UTP20: variants seen among roughly 807,000 people sequenced by gnomAD.
UTP20 encodes the protein small subunit processome component 20 homolog.
A neutral mutation model predicts 329.5 loss-of-function variants in UTP20; 164 were observed. The ratio of observed to expected loss-of-function variants is 0.50; its 90% confidence interval spans 0.44 to 0.57. The LOEUF (loss-of-function observed/expected upper bound fraction) is 0.57. Ranked by LOEUF, UTP20 falls within the 20% of genes least tolerant of loss-of-function variation. UTP20 has a pLI of 0.00. For synonymous variants in UTP20, 1,151 were observed against 1,159.3 expected, an observed-to-expected ratio of 0.99 and a Z score of 0.14; for missense variants, 3,055 against 3,284.2, an observed-to-expected ratio of 0.93 and a Z score of 1.71.
rs143625568 is a variant in UTP20, at chr12:101,286,060, G to A, written c.326+179G>A. Among the ~76,000 whole-genome samples the A allele has an allele frequency of 5.6e-3, 850 of 152,146 alleles. 8 individuals are homozygous for A. The highest frequency in any genetic ancestry group is 0.02 in the African/African-American group (815 of 41,530). The stretch of plus-strand genomic sequence containing the variant: ...AAGTGGAATCTTGGGGTATAATTTC[G>A]CATTTGTTATATACTAAGATAATCT... On this transcript the variant is annotated intron_variant, in intron 4 of 61. Coordinates refer to ENST00000261637, the MANE Select transcript of UTP20 (RefSeq NM_014503.3).
intron 2 of UTP20, among the ~76,000 whole-genome samples, chr12:101,282,892 G>C (rs913931944): frequency 2.0e-5 from 3 of 152,192 alleles, no homozygotes; most frequent in African/African-American, 7.2e-5. Flanking sequence ...AGAATGAATG[G>C]ATAGGACTTG....
intron 35 of UTP20, among the ~76,000 whole-genome samples, chr12:101,343,732 G>A (rs944837944): frequency 1.3e-5 from 2 of 152,072 alleles, no homozygotes; most frequent in African/African-American, 2.4e-5. Context: ...GGCTAGTCTC[G>A]AACTTCTGAC....
At chr12:101,382,036 AG>A (rs1368691619) in intron 58 of UTP20, among the ~76,000 whole-genome samples, 25 of 147,642 alleles carry the variant, frequency 1.7e-4, no homozygotes, top group South Asian at 8.7e-4. Flanking sequence ...AAAAAAAAAA[AG>A]AGAGAGAAAT....
At chr12:101,354,621 A>G (rs1014265713) in intron 40 of UTP20, among the ~76,000 whole-genome samples, 3 of 152,054 alleles carry the variant, frequency 2.0e-5, no homozygotes, top group Non-Finnish European at 4.4e-5. Flanking sequence ...TCGGCAGTTT[A>G]TTTGTCTCTC....
At chr12:101,327,654 T>C (rs1267352026) in intron 26 of UTP20, among the ~76,000 whole-genome samples, 1 of 152,214 alleles carries the variant, frequency 6.6e-6, no homozygotes, top group Non-Finnish European at 1.5e-5. Context: ...ATTTATTGAA[T>C]ACCTCCTGTG....
intron 56 of UTP20, among the ~76,000 whole-genome samples, chr12:101,376,590 A>AT (rs1017721129): frequency 5.3e-5 from 8 of 150,148 alleles, no homozygotes; most frequent in Non-Finnish European, 7.4e-5. Flanking sequence ...TACAGTGTGT[A>AT]TTTTTTTTTA....
At chr12:101,284,661 T>G (rs1871902885) in intron 2 of UTP20, among the ~76,000 whole-genome samples, 1 of 152,150 alleles carries the variant, frequency 6.6e-6, no homozygotes. Context: ...CATACATGTA[T>G]GATAATTTAT....
In UTP20 at chr12:101,343,091, G is replaced by C; in HGVS notation, c.4447G>C (p.Glu1483Gln). Residue 1483 changes from glutamate (E) to glutamine (Q), a missense_variant and splice_region_variant, in exon 35 of 62, where the codon GAG becomes CAG. Glu to Gln is a conservative substitution (Grantham distance 29). Coordinates refer to ENST00000261637, the MANE Select transcript of UTP20 (RefSeq NM_014503.3). ...TATGCATAATTGTTTCTATAATCTA[G>C]AGGTAGGTTATTATAGCAAAATTTT... ...PVMHNCFYNLELGDMSLSDNA... is the reference protein window; with the variant it reads ...PVMHNCFYNLQLGDMSLSDNA... The C allele has an allele frequency of 1.3e-6, 2 of 1,597,786 alleles. No individual in the cohort carries two copies. Among genetic ancestry groups the C allele is most frequent in the East Asian group, 4.5e-5 (2 of 44,672 alleles).
chr12:101,334,323 T>A, intron 28 of UTP20, 102 bp from the exon 29 acceptor site: 2 of 963,628 alleles, frequency 2.1e-6, no homozygotes, highest in Non-Finnish European at 3.1e-6. Context: ...GTCCCTTGTC[T>A]TTTTCATCCT....
chr12:101,374,229 C>T (rs1334758959), intron 54 of UTP20, among the ~76,000 whole-genome samples: 27 of 148,772 alleles, frequency 1.8e-4, no homozygotes, highest in African/African-American at 5.9e-4. Flanking sequence ...AGCGAGACTC[C>T]GTCTCAAAAA....
intron 32 of UTP20, among the ~76,000 whole-genome samples, chr12:101,341,572 A>G (rs113537515): frequency 9.5e-4 from 145 of 152,378 alleles, no homozygotes; most frequent in African/African-American, 3.4e-3. Flanking sequence ...ATCATAGATG[A>G]AAATATTTGG....
At chr12:101,333,561 G>A (rs780520864) in intron 28 of UTP20, 117 bp downstream of exon 28, 31 of 1,309,658 alleles carry the variant, frequency 2.4e-5, no homozygotes, top group African/African-American at 6.0e-5. Flanking sequence ...CTTTTACATC[G>A]AGCCCTTCTT....
At chr12:101,342,660 A>G (rs143060930) in intron 33 of UTP20, 71 bp downstream of exon 33, 22 of 1,545,636 alleles carry the variant, frequency 1.4e-5, no homozygotes, top group Middle Eastern at 2.2e-4. Context: ...AAACCATATT[A>G]GGGGCTTTCT....
rs1330692306 is a variant in UTP20 at position 101,310,595 on chromosome 12, A to AAAAAAAAAAAAAAAAAAAAAAAAG, written c.2231+759_2231+760insAAAAAAAAAAAAAAAAAAAAGAAA. ...TGTCTCCCAAAAAAAAAAAAAAAAA[A>AAAAAAAAAAAAAAAAAAAAAAAAG]AAATACATGTTATGGCTCATGTGTA... On this transcript the variant is annotated intron_variant, in intron 19 of 61. Coordinates refer to ENST00000261637, the MANE Select transcript of UTP20 (RefSeq NM_014503.3). Among the ~76,000 whole-genome samples the AAAAAAAAAAAAAAAAAAAAAAAAG allele has an allele frequency of 2.0e-4, 24 of 121,630 alleles. 2 individuals are homozygous for AAAAAAAAAAAAAAAAAAAAAAAAG. Among genetic ancestry groups the AAAAAAAAAAAAAAAAAAAAAAAAG allele is most frequent in the Non-Finnish European group, 4.4e-4 (22 of 49,792 alleles). 79.8% of individuals were successfully genotyped at this position (121,630 alleles called of 152,430 possible).
Position 101,338,073 on chromosome 12 carries a change from C to A in UTP20, c.3664C>A (p.Gln1222Lys). The change falls in exon 30 of 62, where the codon CAG becomes AAG. Residue 1222 changes from glutamine (Q) to lysine (K), a missense_variant. Transcript: ENST00000261637. ...CAGATATTTCCCTTTGCTGGCTAAA[C>A]AGAAGCCTGGGCACCCAGAATGTGA... is the stretch of plus-strand genomic sequence containing the variant. ...NARYFPLLAK[Q>K]KPGHPECDIL... is the part of the protein sequence containing the mutation. 1 of 1,614,152 alleles carries A rather than the reference C, an allele frequency of 6.2e-7. No individual in the cohort carries two copies. Among genetic ancestry groups the A allele is most frequent in the Non-Finnish European group, 8.5e-7 (1 of 1,180,010 alleles).
chr12:101,374,002 G>A (rs890869577), intron 54 of UTP20, among the ~76,000 whole-genome samples: 11 of 152,068 alleles, frequency 7.2e-5, no homozygotes, highest in African/African-American at 1.2e-4. Flanking sequence ...TTGGGAGGCC[G>A]AGGCGGGCGG....
At chr12:101,316,046 C>G (rs1487085160) in intron 21 of UTP20, among the ~76,000 whole-genome samples, 1 of 152,194 alleles carries the variant, frequency 6.6e-6, no homozygotes, top group Non-Finnish European at 1.5e-5. Flanking sequence ...ATGATCCGAA[C>G]TAATGGAAAA....
chr12:101,317,851 T>G (rs756263278), intron 22 of UTP20, among the ~76,000 whole-genome samples, 188 bp downstream of exon 22: 27 of 152,186 alleles, frequency 1.8e-4, no homozygotes, highest in Non-Finnish European at 3.4e-4. Context: ...TACTTATTAG[T>G]TTTTTCTTGG....
chr12:101,359,895 C>T (rs1869856845), intron 43 of UTP20, among the ~76,000 whole-genome samples: 2 of 152,138 alleles, frequency 1.3e-5, no homozygotes, highest in South Asian at 2.1e-4. Flanking sequence ...GAGGAAGCTT[C>T]CCCTCCCAGA....
Sources: allele counts gnomAD v4.1 joint callset (sites outside exome capture counted in the v4.1 genomes callset), GRCh38; gene constraint gnomAD v4.1.1; transcripts MANE v1.5; gene names NCBI Gene and HGNC (gene_info 2026-07-23, HGNC 2026-07-21).